The following SMYD3 variants were observed in gnomAD, a reference collection of about 807,000 sequenced individuals.
SMYD3 encodes SET and MYND domain containing 3.
A neutral mutation model predicts 57.7 loss-of-function variants in SMYD3; 36 were observed. The observed-to-expected ratio is 0.62, with a 90% CI of 0.48 to 0.82. The LOEUF (loss-of-function observed/expected upper bound fraction) is 0.82, where lower values mean the gene tolerates loss of function less well. Ranked by LOEUF, SMYD3 falls within the 40% of genes least tolerant of loss-of-function variation. The pLI is 0.00. For missense variants in SMYD3, 515 were observed against 538.8 expected, an observed-to-expected ratio of 0.96 and a Z score of 0.44; for synonymous variants, 211 against 195.0, an observed-to-expected ratio of 1.08 and a Z score of -0.68.
intron 5 of SMYD3, among the ~76,000 whole-genome samples, chr1:246,195,343 T>C (rs1558306736): frequency 1.3e-5 from 2 of 152,168 alleles, no homozygotes; most frequent in African/African-American, 4.8e-5. Context: ...ATACCTGAAA[T>C]AGAGTTCAAT....
intron 8 of SMYD3, among the ~76,000 whole-genome samples, chr1:245,882,691 T>C (rs1196367209): frequency 6.6e-6 from 1 of 152,172 alleles, no homozygotes; most frequent in East Asian, 1.9e-4. Context: ...AGTTAATTAC[T>C]TTTCTATGAC....
intron 5 of SMYD3, chr1:246,326,380 A>G (rs2065349479): frequency 1.4e-6 from 1 of 700,294 alleles, no homozygotes; most frequent in African/African-American, 1.8e-5. Context: ...AGAAGCAATC[A>G]TTTCATGCCT....
At chr1:246,386,200 A>G (rs1341944187) in intron 1 of SMYD3, among the ~76,000 whole-genome samples, 1 of 152,162 alleles carries the variant, frequency 6.6e-6, no homozygotes, top group Non-Finnish European at 1.5e-5. Flanking sequence ...AAATACATAC[A>G]TGTTATCTGG....
intron 10 of SMYD3, among the ~76,000 whole-genome samples, chr1:245,836,958 T>C (rs1317591): frequency 0.011 from 1,597 of 152,008 alleles, 32 homozygotes; most frequent in African/African-American, 0.037. Context: ...TTTTCAGGAG[T>C]GGGGATGATC....
intron 8 of SMYD3, among the ~76,000 whole-genome samples, chr1:245,883,593 T>C (rs1252135356): frequency 6.6e-6 from 1 of 152,188 alleles, no homozygotes; most frequent in Non-Finnish European, 1.5e-5. Flanking sequence ...GTCCCAACGC[T>C]AAAAGACTAT....
intron 5 of SMYD3, among the ~76,000 whole-genome samples, chr1:245,972,517 C>T (rs908957338): frequency 6.6e-6 from 1 of 152,226 alleles, no homozygotes; most frequent in Non-Finnish European, 1.5e-5. Context: ...GAATAATCTG[C>T]ACATTGCAGG....
chr1:246,122,475 A>T (rs1427547646), intron 5 of SMYD3, among the ~76,000 whole-genome samples: 1 of 152,224 alleles, frequency 6.6e-6, no homozygotes, highest in Non-Finnish European at 1.5e-5. Flanking sequence ...AGAACTAAGA[A>T]TTCTGAAAAC....
At chr1:246,335,498 A>G (rs774535992) in intron 2 of SMYD3, 24 bp from the exon 3 acceptor site, 8 of 1,592,452 alleles carry the variant, frequency 5.0e-6, no homozygotes, top group Non-Finnish European at 5.2e-6. Flanking sequence ...AGTGGGGAGA[A>G]CATAGGTGAC....
chr1:246,205,974 C>T (rs1159382181), intron 5 of SMYD3, among the ~76,000 whole-genome samples: 1 of 152,116 alleles, frequency 6.6e-6, no homozygotes, highest in East Asian at 1.9e-4. Context: ...ATACTAAATT[C>T]ACTGGTGTGA....
chr1:246,319,328 G>A (rs761942271), intron 5 of SMYD3, among the ~76,000 whole-genome samples: 7 of 152,156 alleles, frequency 4.6e-5, no homozygotes, highest in African/African-American at 1.4e-4. Flanking sequence ...ACCACCACAC[G>A]TAAACACACA....
intron 5 of SMYD3, among the ~76,000 whole-genome samples, chr1:246,301,600 A>C (rs1222694747): frequency 6.6e-6 from 1 of 152,192 alleles, no homozygotes; most frequent in Non-Finnish European, 1.5e-5. Flanking sequence ...AGTCTGTTTT[A>C]TAAGAAATAT....
At chr1:246,221,488 C>T (rs774824283) in intron 5 of SMYD3, among the ~76,000 whole-genome samples, 16 of 152,340 alleles carry the variant, frequency 1.1e-4, no homozygotes, top group South Asian at 1.0e-3. Context: ...TGCAACCCTT[C>T]GGGTAGCCCA....
chr1:246,142,022 G>C (rs972004004), intron 5 of SMYD3, among the ~76,000 whole-genome samples: 7 of 152,172 alleles, frequency 4.6e-5, no homozygotes, highest in Non-Finnish European at 1.0e-4. Flanking sequence ...CTAAGAATCA[G>C]GCATCACCGG....
At chr1:245,999,273 A>G (rs375686110) in intron 5 of SMYD3, among the ~76,000 whole-genome samples, 3 of 152,214 alleles carry the variant, frequency 2.0e-5, no homozygotes, top group East Asian at 1.9e-4. Context: ...AGATTGCAAA[A>G]AGCACACAGA....
At chr1:245,783,787 A>G (rs942611214) in intron 10 of SMYD3, among the ~76,000 whole-genome samples, 2 of 152,220 alleles carry the variant, frequency 1.3e-5, no homozygotes, top group African/African-American at 4.8e-5. Flanking sequence ...CAGTAACACA[A>G]AATTACTTAG....
intron 5 of SMYD3, among the ~76,000 whole-genome samples, chr1:246,262,661 C>T (rs1365912525): frequency 6.6e-6 from 1 of 152,072 alleles, no homozygotes; most frequent in East Asian, 1.9e-4. Flanking sequence ...AACCATATAG[C>T]CGGTCTCTGA....
intron 10 of SMYD3, among the ~76,000 whole-genome samples, chr1:245,789,156 G>A (rs953697964): frequency 3.3e-5 from 5 of 152,162 alleles, no homozygotes; most frequent in Admixed American, 2.6e-4. Flanking sequence ...AGGTGTACGT[G>A]GCACTAGGTT....
At chr1:245,999,017 C>T (rs2058985233) in intron 5 of SMYD3, among the ~76,000 whole-genome samples, 1 of 152,090 alleles carries the variant, frequency 6.6e-6, no homozygotes, top group African/African-American at 2.4e-5. Flanking sequence ...ATGATTGTCG[C>T]TTCACGGGGT....
At chr1:246,461,862 G>A (rs181218409) in intron 1 of SMYD3, among the ~76,000 whole-genome samples, 5 of 152,210 alleles carry the variant, frequency 3.3e-5, no homozygotes, top group African/African-American at 4.8e-5. Context: ...CTGTGTTCAC[G>A]TATTCATTCT....
Sources: allele counts gnomAD v4.1 joint callset (sites outside exome capture counted in the v4.1 genomes callset), GRCh38; gene constraint gnomAD v4.1.1; transcripts MANE v1.5; gene names NCBI Gene and HGNC (gene_info 2026-07-23, HGNC 2026-07-21).